The following DPP10 variants were observed in gnomAD, a reference collection of about 807,000 sequenced individuals.
The protein encoded by DPP10 is inactive dipeptidyl peptidase 10.
DPP10 carries 33 observed loss-of-function variants against 120.9 expected under a neutral mutation model. The observed-to-expected ratio is 0.27, with a 90% CI of 0.21 to 0.37. DPP10 has a LOEUF of 0.37. Ranked by LOEUF, DPP10 falls within the 10% of genes least tolerant of loss-of-function variation. The pLI, the probability that DPP10 is intolerant of heterozygous loss-of-function variation, is 1.00. For synonymous variants in DPP10, 337 were observed against 326.1 expected, an observed-to-expected ratio of 1.03 and a Z score of -0.36; for missense variants, 816 against 942.8, an observed-to-expected ratio of 0.87 and a Z score of 1.76.
At chr2:114,699,596 A>G (rs1212247838) in intron 1 of DPP10, among the ~76,000 whole-genome samples, 1 of 152,114 alleles carries the variant, frequency 6.6e-6, no homozygotes, top group South Asian at 2.1e-4. Context: ...TAGGCAGAGG[A>G]TAACATTGTA....
chr2:115,239,859 T>C (rs550893553), intron 1 of DPP10, among the ~76,000 whole-genome samples: 1 of 152,182 alleles, frequency 6.6e-6, no homozygotes, highest in Admixed American at 6.5e-5. Context: ...AGTGTTTGAT[T>C]TTCTGTTCCC....
chr2:115,678,833 C>A (rs2090458822), intron 5 of DPP10, among the ~76,000 whole-genome samples: 1 of 152,204 alleles, frequency 6.6e-6, no homozygotes, highest in Admixed American at 6.5e-5. Context: ...TTGTGGGAGC[C>A]CACCTCTTGC....
intron 2 of DPP10, among the ~76,000 whole-genome samples, chr2:115,326,606 C>T (rs1174732544): frequency 1.3e-5 from 2 of 151,904 alleles, no homozygotes; most frequent in African/African-American, 4.8e-5. Flanking sequence ...CTTATTTACC[C>T]TGAAGACCTT....
intron 11 of DPP10, among the ~76,000 whole-genome samples, chr2:115,759,720 C>T (rs141494527): frequency 2.0e-5 from 3 of 152,084 alleles, no homozygotes; most frequent in South Asian, 2.1e-4. Context: ...TATATAAAAA[C>T]ACATTATAGG....
chr2:114,518,943 G>A (rs1472494142), intron 1 of DPP10, among the ~76,000 whole-genome samples: 1 of 152,124 alleles, frequency 6.6e-6, no homozygotes, highest in Non-Finnish European at 1.5e-5. Context: ...TCCCATCTGA[G>A]CCCTGAGCGA....
At chr2:115,534,183 A>G (rs2078653027) in intron 5 of DPP10, among the ~76,000 whole-genome samples, 2 of 151,948 alleles carry the variant, frequency 1.3e-5, no homozygotes, top group African/African-American at 2.4e-5. Flanking sequence ...ATACGTATAC[A>G]TGTGCCATGC....
intron 19 of DPP10, among the ~76,000 whole-genome samples, chr2:115,804,634 A>T (rs1443820774): frequency 1.3e-5 from 2 of 152,100 alleles, no homozygotes; most frequent in African/African-American, 4.8e-5. Flanking sequence ...TCTGTTTGTT[A>T]GTTTTCCTTC....
intron 3 of DPP10, among the ~76,000 whole-genome samples, chr2:115,420,820 A>G (rs2069877190): frequency 6.6e-6 from 1 of 152,218 alleles, no homozygotes; most frequent in South Asian, 2.1e-4. Context: ...GGACCAGAGT[A>G]GAAGATGGGG....
At chr2:114,732,024 T>C (rs1676968867) in intron 1 of DPP10, among the ~76,000 whole-genome samples, 2 of 152,146 alleles carry the variant, frequency 1.3e-5, no homozygotes, top group African/African-American at 4.8e-5. Context: ...CTGGATGGAA[T>C]ACAAGAAGAA....
At chr2:115,268,915 C>T (rs533558261) in intron 1 of DPP10, among the ~76,000 whole-genome samples, 11 of 58,910 alleles carry the variant, frequency 1.9e-4, no homozygotes, top group Admixed American at 1.2e-3. Context: ...TTTAGGAGGC[C>T]GAGGCGGCGG....
At chr2:115,485,431 A>T (rs78444236) in intron 3 of DPP10, among the ~76,000 whole-genome samples, 2 of 152,024 alleles carry the variant, frequency 1.3e-5, no homozygotes, top group Non-Finnish European at 2.9e-5. Context: ...ATTTTCATAT[A>T]TTTTATATTC....
chr2:115,822,234 G>A (rs1313312223), intron 21 of DPP10, among the ~76,000 whole-genome samples: 1 of 151,904 alleles, frequency 6.6e-6, no homozygotes, highest in Non-Finnish European at 1.5e-5. Context: ...AATTTACTAA[G>A]TCACAGAAAG....
At chr2:114,975,784 G>T (rs1699716315) in intron 1 of DPP10, among the ~76,000 whole-genome samples, 1 of 152,038 alleles carries the variant, frequency 6.6e-6, no homozygotes, top group Non-Finnish European at 1.5e-5. Flanking sequence ...CTGTGTAGCT[G>T]GGATTATAGG....
At chr2:115,793,349 T>C (rs1684198844) in intron 19 of DPP10, among the ~76,000 whole-genome samples, 1 of 152,156 alleles carries the variant, frequency 6.6e-6, no homozygotes, top group Admixed American at 6.6e-5. Flanking sequence ...TTAAATATAT[T>C]ACCATAGTTT....
At chr2:114,577,705 A>G (rs1690170931) in intron 1 of DPP10, among the ~76,000 whole-genome samples, 1 of 152,128 alleles carries the variant, frequency 6.6e-6, no homozygotes, top group African/African-American at 2.4e-5. Context: ...GGAGGCTGCA[A>G]GTTTGAGATC....
Position 114,662,780 on chromosome 2 carries a change from A to AG in DPP10, c.60+219949dup, listed in dbSNP as rs556336843. ...CAGCCCACAGGGGCCCTGAAGTGCC[A>AG]GGGGGGGACCTTGGGCCACCAGGAG... On this transcript the variant is annotated intron_variant, in intron 1 of 25. Coordinates refer to ENST00000410059, the MANE Select transcript of DPP10 (RefSeq NM_020868.6). 6.5e-3 allele frequency among the ~76,000 whole-genome samples: 981 copies of AG among 152,048 alleles called. 7 individuals are homozygous for AG. The highest frequency in any genetic ancestry group is 0.01 in the Non-Finnish European group (688 of 67,966).
chr2:115,740,458 C>A (rs1677115238), intron 9 of DPP10, among the ~76,000 whole-genome samples: 1 of 151,982 alleles, frequency 6.6e-6, no homozygotes. Flanking sequence ...ATAAAAAAAT[C>A]ACCCATAAAG....
intron 3 of DPP10, among the ~76,000 whole-genome samples, chr2:115,382,118 T>G (rs901091746): frequency 4.6e-5 from 7 of 152,202 alleles, no homozygotes; most frequent in East Asian, 1.9e-4. Context: ...TTTGTTTACC[T>G]AAGCAAGCCT....
At chr2:115,119,986 G>A (rs2049737696) in intron 1 of DPP10, among the ~76,000 whole-genome samples, 1 of 152,160 alleles carries the variant, frequency 6.6e-6, no homozygotes, top group Non-Finnish European at 1.5e-5. Flanking sequence ...ATGTGGTCTT[G>A]TACTTTTCCC....
Sources: gnomAD v4.1 joint callset for allele counts (sites outside exome capture counted in the v4.1 genomes callset) on GRCh38, gnomAD v4.1.1 for gene constraint, MANE v1.5 for transcripts, NCBI Gene and HGNC (gene_info 2026-07-23, HGNC 2026-07-21) for gene names.